Variants in SGCE observed in about 807,000 individuals in gnomAD.
The protein encoded by SGCE is epsilon-sarcoglycan.
In SGCE, 26 loss-of-function variants were observed where a neutral mutation model predicts 57.8. The ratio of observed to expected loss-of-function variants is 0.45; its 90% CI spans 0.33 to 0.62. The LOEUF is 0.62. Ranked by LOEUF, SGCE falls within the 20% of genes least tolerant of loss-of-function variation. SGCE has a pLI of 0.02. For synonymous variants in SGCE, 183 were observed against 189.5 expected, an observed-to-expected ratio of 0.97 and a Z score of 0.28; for missense variants, 468 against 548.6, an observed-to-expected ratio of 0.85 and a Z score of 1.47.
intron 1 of SGCE, chr7:94,644,620 G>C (rs1160248522): frequency 7.8e-7 from 1 of 1,282,238 alleles, no homozygotes; most frequent in Non-Finnish European, 1.0e-6. Flanking sequence ...AAAGCAAACT[G>C]TCAAGTCTTT....
chr7:94,604,347 T>C (rs1249012003), intron 5 of SGCE, among the ~76,000 whole-genome samples: 1 of 152,000 alleles, frequency 6.6e-6, no homozygotes, highest in African/African-American at 2.4e-5. Flanking sequence ...CTAGCTGCCT[T>C]CTTTGCAGAA....
rs185717667 is a variant in SGCE, at chr7:94,614,998, A to G, written c.662+3760T>C. 1.9e-3 allele frequency among the ~76,000 whole-genome samples: 289 copies of G among 152,318 alleles called. 2 individuals carry two copies. Among genetic ancestry groups the G allele is most frequent in the African/African-American group, 6.7e-3 (278 of 41,570 alleles). On this transcript the variant is annotated intron_variant, in intron 5 of 10. Coordinates refer to ENST00000648936, the MANE Select transcript of SGCE (RefSeq NM_003919.3). ...ATTAAAGGCATTTGCAAATATTTCT[A>G]TATCACCACTATTCCATAAAATAAA... is the stretch of plus-strand genomic sequence containing the variant.
chr7:94,655,980 G>A lies in SGCE; in HGVS notation c.109+10C>T. The stretch of plus-strand genomic sequence containing the variant: ...CCCCGGGACCTCCACGTCGCGCGCA[G>A]GCCACTAACCTGTCAGCAAGAATGT... On this transcript the variant is annotated intron_variant, in intron 1 of 10. Coordinates refer to ENST00000648936, the MANE Select transcript of SGCE (RefSeq NM_003919.3). 1 of 1,563,348 alleles carries A rather than the reference G, an allele frequency of 6.4e-7. No individual in the cohort carries two copies. Among genetic ancestry groups the A allele is most frequent in the Non-Finnish European group, 8.8e-7 (1 of 1,134,328 alleles).
chr7:94,635,680 A>G (rs1240633496), intron 1 of SGCE, among the ~76,000 whole-genome samples: 1 of 152,238 alleles, frequency 6.6e-6, no homozygotes, highest in Non-Finnish European at 1.5e-5. Flanking sequence ...CTACAGTCAA[A>G]TTGAAATTTA....
chr7:94,618,440 G>T (rs1183220075), intron 5 of SGCE: 5 of 252,492 alleles, frequency 2.0e-5, no homozygotes, highest in Non-Finnish European at 3.8e-5. Flanking sequence ...TAATAACTGG[G>T]GCGTCAATTT....
intron 5 of SGCE, among the ~76,000 whole-genome samples, chr7:94,608,690 A>G (rs1319579437): frequency 1.3e-5 from 2 of 152,238 alleles, no homozygotes; most frequent in Non-Finnish European, 2.9e-5. Context: ...AAGCTACAGC[A>G]ATCAAGACAG....
At chr7:94,629,693 C>G in intron 2 of SGCE, 26 bp downstream of exon 2, 7 of 1,607,954 alleles carry the variant, frequency 4.4e-6, no homozygotes, top group Non-Finnish European at 6.0e-6. Flanking sequence ...ACGTTAACTG[C>G]TTTTTTTTCC....
intron 9 of SGCE, among the ~76,000 whole-genome samples, chr7:94,591,882 AT>A (rs2116603947): frequency 6.6e-6 from 1 of 152,334 alleles, no homozygotes; most frequent in East Asian, 1.9e-4. Flanking sequence ...TCTTATATTG[AT>A]TTAGAGACTG....
chr7:94,599,047 ATTTTTATC>A, intron 8 of SGCE, 84 bp from the exon 9 acceptor site: 2 of 993,418 alleles, frequency 2.0e-6, no homozygotes, highest in African/African-American at 1.6e-5. Context: ...CTTATGAAGT[ATTTTTATC>A]TTTTAAAATA....
intron 1 of SGCE, among the ~76,000 whole-genome samples, chr7:94,655,763 G>C (rs1337898932): frequency 3.6e-5 from 3 of 84,020 alleles, no homozygotes; most frequent in Non-Finnish European, 6.7e-5. Context: ...AGGGGCCCGC[G>C]GGGGCGCGGA....
chr7:94,626,381 T>A (rs1018562598), intron 3 of SGCE: 3 of 152,118 alleles, frequency 2.0e-5, no homozygotes, highest in African/African-American at 4.8e-5. Flanking sequence ...TACATTTTAA[T>A]ATAATTGTTT....
Position 94,598,907 on chromosome 7 carries a change from A to G in SGCE, c.1121T>C (p.Met374Thr), listed in dbSNP as rs751967746. Residue 374 changes from methionine to threonine, a missense_variant, in exon 9 of 11, where the codon ATG (methionine) becomes ACG (threonine). Met to Thr is a moderately conservative substitution (Grantham distance 81, BLOSUM62 -1). Transcript: ENST00000648936. The stretch of plus-strand genomic sequence containing the variant: ...CCATGCTATCTCTCTATTCTTGGAC[A>G]TGTCTCGAAGCTCCTTGGTAGATTT... Reference protein sequence around the residue: ...IQKSTKELRDMSKNREIAWPL... With the variant: ...IQKSTKELRDTSKNREIAWPL... 3.7e-6 allele frequency: 6 copies of G among 1,613,914 alleles called. No homozygotes were observed. The highest frequency in any genetic ancestry group is 4.5e-5 in the East Asian group (2 of 44,848).
chr7:94,642,725 T>C (rs1806567924), intron 1 of SGCE, among the ~76,000 whole-genome samples: 1 of 152,176 alleles, frequency 6.6e-6, no homozygotes, highest in Admixed American at 6.5e-5. Flanking sequence ...CCTTGCTGGA[T>C]AGTGGAATAT....
intron 5 of SGCE, 114 bp downstream of exon 5, chr7:94,618,644 T>C: frequency 1.2e-6 from 1 of 817,222 alleles, no homozygotes; most frequent in Non-Finnish European, 2.0e-6. Context: ...TTACAATATC[T>C]ATTTCTTATT....
intron 1 of SGCE, among the ~76,000 whole-genome samples, chr7:94,643,345 G>A (rs1303759431): frequency 6.6e-6 from 1 of 152,136 alleles, no homozygotes; most frequent in South Asian, 2.1e-4. Flanking sequence ...CAGTCTAGTT[G>A]GCTTTTACAG....
chr7:94,605,032 C>T (rs1007910056), intron 5 of SGCE, among the ~76,000 whole-genome samples: 9 of 151,424 alleles, frequency 5.9e-5, no homozygotes, highest in Non-Finnish European at 1.3e-4. Context: ...CAACACCTGA[C>T]CACCATATTA....
rs148072240 is a variant in SGCE at position 94,596,514 on chromosome 7, G to A, written c.1253+2261C>T. ...CATTTCTCAAACTGTGTTCTTTGAA[G>A]AGTTACCTATTCTGACCTTTTCCTA... is the stretch of plus-strand genomic sequence containing the variant. On this transcript the variant is annotated intron_variant, in intron 9 of 10. Coordinates refer to ENST00000648936, the MANE Select transcript of SGCE (RefSeq NM_003919.3). Among the ~76,000 whole-genome samples, 530 of 152,204 alleles carry A rather than the reference G, an allele frequency of 3.5e-3. 3 individuals carry two copies. Among genetic ancestry groups the A allele is most frequent in the African/African-American group, 0.012 (504 of 41,554 alleles).
intron 1 of SGCE, among the ~76,000 whole-genome samples, chr7:94,645,470 C>A (rs995711833): frequency 6.6e-6 from 1 of 152,080 alleles, no homozygotes; most frequent in African/African-American, 2.4e-5. Context: ...TTTACCCCAA[C>A]CTCTGAAAGG....
At chr7:94,628,076 C>A in intron 3 of SGCE, 126 bp downstream of exon 3, 1 of 712,284 alleles carries the variant, frequency 1.4e-6, no homozygotes, top group South Asian at 1.6e-5. Context: ...TTTCCATGCA[C>A]AAAATATTAA....
Sources: gnomAD v4.1 joint callset for allele counts (sites outside exome capture counted in the v4.1 genomes callset) on GRCh38, gnomAD v4.1.1 for gene constraint, MANE v1.5 for transcripts, NCBI Gene and HGNC (gene_info 2026-07-23, HGNC 2026-07-21) for gene names.